Variants in BMAL1 observed in about 807,000 individuals in gnomAD.
BMAL1 encodes basic helix-loop-helix ARNT like 1, also known as basic helix-loop-helix ARNT-like protein 1.
chr11:13,365,654 T>TTTAA, the BMAL1 span: 4 of 1,369,200 alleles, frequency 2.9e-6, no homozygotes, highest in African/African-American at 5.7e-5. Context: ...GTCACTCAAT[T>TTTAA]TTGTCAGAAT....
At chr11:13,289,175 C>T in the BMAL1 span, among the ~76,000 whole-genome samples, 1 of 152,154 alleles carries the variant, frequency 6.6e-6, no homozygotes, top group Admixed American at 6.5e-5. Context: ...AAAGAATAGG[C>T]ATTTTGAAGC....
the BMAL1 span, among the ~76,000 whole-genome samples, chr11:13,331,259 G>A: frequency 6.6e-6 from 1 of 152,230 alleles, no homozygotes; most frequent in African/African-American, 2.4e-5. Flanking sequence ...GAAAATGAGA[G>A]TGGGGAATTT....
At chr11:13,306,482 C>A in the BMAL1 span, among the ~76,000 whole-genome samples, 1 of 152,180 alleles carries the variant, frequency 6.6e-6, no homozygotes, top group East Asian at 1.9e-4. Context: ...GGGGTCTAAG[C>A]GTGGCAGAGG....
chr11:13,288,155 C>T, the BMAL1 span, among the ~76,000 whole-genome samples: 1 of 152,172 alleles, frequency 6.6e-6, no homozygotes, highest in East Asian at 1.9e-4. Flanking sequence ...TTCATGGACA[C>T]AGACTTGTCT....
At chr11:13,323,466 T>C in the BMAL1 span, among the ~76,000 whole-genome samples, 8 of 149,366 alleles carry the variant, frequency 5.4e-5, no homozygotes, top group Non-Finnish European at 1.2e-4. Flanking sequence ...CTAGCCTTGC[T>C]CCTCCTCAGT....
the BMAL1 span, among the ~76,000 whole-genome samples, chr11:13,383,744 C>T: frequency 7.9e-5 from 12 of 151,928 alleles, no homozygotes; most frequent in South Asian, 1.0e-3. Context: ...CCAGCTACTC[C>T]GGGGACTGAG....
the BMAL1 span, chr11:13,277,696 A>G: frequency 1.8e-5 from 1 of 55,588 alleles, no homozygotes; most frequent in South Asian, 7.7e-4. Context: ...CGGCTCCTCC[A>G]TTGGTGGGCG....
chr11:13,356,710 T>C, the BMAL1 span: 1 of 1,613,850 alleles, frequency 6.2e-7, no homozygotes, highest in Admixed American at 1.7e-5. Context: ...TTTATTAACA[T>C]GCAGTCACAT....
chr11:13,379,672 G>C, the BMAL1 span: 2 of 152,224 alleles, frequency 1.3e-5, no homozygotes, highest in Admixed American at 6.5e-5. Context: ...AAGCAAAAGA[G>C]GAAAGATTTG....
At chr11:13,277,406 G>C in the BMAL1 span, among the ~76,000 whole-genome samples, 1 of 152,220 alleles carries the variant, frequency 6.6e-6, no homozygotes, top group Non-Finnish European at 1.5e-5. Context: ...GGAGACCTGA[G>C]GGGAAAGGGA....
At chr11:13,326,336 C>G in the BMAL1 span, 1 of 152,178 alleles carries the variant, frequency 6.6e-6, no homozygotes, top group Non-Finnish European at 1.5e-5. Flanking sequence ...TCCTGCTTGT[C>G]AGGCCCTTCA....
At chr11:13,383,615 G>A in the BMAL1 span, among the ~76,000 whole-genome samples, 2 of 152,176 alleles carry the variant, frequency 1.3e-5, no homozygotes, top group African/African-American at 4.8e-5. Context: ...CTGGGAAGCT[G>A]AGGCAGGCAA....
chr11:13,332,787 G>A, the BMAL1 span, among the ~76,000 whole-genome samples: 5 of 152,120 alleles, frequency 3.3e-5, no homozygotes, highest in South Asian at 6.2e-4. Flanking sequence ...TGGGTGGGTC[G>A]GTGGTAAGGA....
chr11:13,349,704 A>G, the BMAL1 span, among the ~76,000 whole-genome samples: 1 of 152,194 alleles, frequency 6.6e-6, no homozygotes, highest in South Asian at 2.1e-4. Flanking sequence ...TTCACCGAAA[A>G]TATCTCCTGC....
chr11:13,328,512 T>G, the BMAL1 span, among the ~76,000 whole-genome samples: 1 of 152,114 alleles, frequency 6.6e-6, no homozygotes, highest in Non-Finnish European at 1.5e-5. Context: ...TGATCACTGG[T>G]GCCGATGGCC....
the BMAL1 span, among the ~76,000 whole-genome samples, chr11:13,331,835 G>T: frequency 2.6e-5 from 4 of 152,188 alleles, no homozygotes; most frequent in African/African-American, 9.7e-5. Flanking sequence ...TCTGAGGCTG[G>T]AAGGGGCAGA....
At chr11:13,333,646 C>T in the BMAL1 span, among the ~76,000 whole-genome samples, 6 of 152,214 alleles carry the variant, frequency 3.9e-5, no homozygotes, top group East Asian at 7.7e-4. Flanking sequence ...ATCCCATCTG[C>T]GCAGTGGCTG....
At chr11:13,359,286 T>C in the BMAL1 span, among the ~76,000 whole-genome samples, 2 of 152,206 alleles carry the variant, frequency 1.3e-5, no homozygotes, top group Admixed American at 1.3e-4. Context: ...CTTGGACTTT[T>C]GGAGGAAATT....
the BMAL1 span, among the ~76,000 whole-genome samples, chr11:13,331,815 T>C: frequency 6.6e-6 from 1 of 152,146 alleles, no homozygotes; most frequent in East Asian, 1.9e-4. Context: ...TTTGGGGAGT[T>C]ACTTCTCTTT....
Sources: gnomAD v4.1 joint callset for allele counts (sites outside exome capture counted in the v4.1 genomes callset) on GRCh38, gnomAD v4.1.1 for gene constraint, MANE v1.5 for transcripts, NCBI Gene and HGNC (gene_info 2026-07-23, HGNC 2026-07-21) for gene names.